The following MC2R variants were observed in gnomAD, a reference collection of about 807,000 sequenced individuals.
The protein encoded by MC2R is melanocortin 2 receptor.
A neutral mutation model predicts 9.8 loss-of-function variants in MC2R; 9 were observed. The ratio of observed to expected loss-of-function variants is 0.92; its 90% CI spans 0.55 to 1.60. The LOEUF is 1.60. MC2R is among the 40% of genes most tolerant of loss of function. The pLI, the probability that MC2R is intolerant of heterozygous loss-of-function variation, is 0.00. For missense variants in MC2R, 370 were observed against 389.0 expected, an observed-to-expected ratio of 0.95 and a Z score of 0.41; for synonymous variants, 185 against 154.7, an observed-to-expected ratio of 1.20 and a Z score of -1.45.
chr18:13,910,021 A>C (rs560362363), intron 1 of MC2R, among the ~76,000 whole-genome samples: 1 of 152,170 alleles, frequency 6.6e-6, no homozygotes, highest in Non-Finnish European at 1.5e-5. Context: ...ATTTTCTTCT[A>C]TGTTTTCTTT....
intron 1 of MC2R, among the ~76,000 whole-genome samples, chr18:13,906,689 A>G (rs2045416637): frequency 6.6e-6 from 1 of 152,266 alleles, no homozygotes; most frequent in Non-Finnish European, 1.5e-5. Context: ...GTAAAGTTGC[A>G]GAATACAAAA....
At chr18:13,898,141 C>T (rs1186700587) in intron 1 of MC2R, among the ~76,000 whole-genome samples, 3 of 152,076 alleles carry the variant, frequency 2.0e-5, no homozygotes, top group African/African-American at 7.2e-5. Flanking sequence ...AGAGGTGAGC[C>T]CACTGCCCTG....
chr18:13,901,126 A>T (rs937978580), intron 1 of MC2R, among the ~76,000 whole-genome samples: 2 of 152,218 alleles, frequency 1.3e-5, no homozygotes, highest in Non-Finnish European at 2.9e-5. Context: ...CATTGAAATT[A>T]AACAATATGC....
chr18:13,898,473 G>A (rs1289373662), intron 1 of MC2R, among the ~76,000 whole-genome samples: 1 of 152,232 alleles, frequency 6.6e-6, no homozygotes, highest in Non-Finnish European at 1.5e-5. Context: ...GAAAGACACA[G>A]GCCTGGCTGG....
intron 1 of MC2R, among the ~76,000 whole-genome samples, chr18:13,894,517 T>A (rs1368574014): frequency 2.6e-5 from 4 of 152,204 alleles, no homozygotes; most frequent in Non-Finnish European, 5.9e-5. Flanking sequence ...CTGGATTCTA[T>A]GCGATAACGT....
Position 13,885,360 on chromosome 18 carries a change from C to T in MC2R, c.159G>A (p.Lys53=). ...AAAAGTACATGGGTGCCTGGAGATT[C>T]TTATTCTTGAACACAGCCAGCAGGA... The part of the protein sequence containing the change: ...LIVLLAVFKN[K]NLQAPMYFFI... Residue 53 remains lysine, a synonymous_variant, in exon 2 of 2, where the codon AAG becomes AAA. Transcript: ENST00000327606. 1 of 1,614,178 alleles carries T rather than the reference C, an allele frequency of 6.2e-7. No homozygotes were observed. The highest frequency in any genetic ancestry group is 8.5e-7 in the Non-Finnish European group (1 of 1,180,038).
intron 1 of MC2R, among the ~76,000 whole-genome samples, chr18:13,886,522 G>C (rs1386215615): frequency 1.3e-5 from 2 of 152,198 alleles, no homozygotes; most frequent in Non-Finnish European, 2.9e-5. Flanking sequence ...CGGTGGACTC[G>C]GGAGATGTTT....
rs376198067 is a variant in MC2R, at chr18:13,887,796, G to A, written c.-128-2150C>T. ...AGTGTGAGCTCCTCTTAGGTCTCAC[G>A]TCTGCTGGCTTTCAGACCAGAACAC... On this transcript the variant is annotated intron_variant, in intron 1 of 1. Coordinates refer to ENST00000327606, the MANE Select transcript of MC2R (RefSeq NM_000529.2). Among the ~76,000 whole-genome samples the A allele has an allele frequency of 3.9e-5, 6 of 152,112 alleles. No homozygotes were observed. In the East Asian group the frequency reaches 7.7e-4, roughly 20 times the overall value.
chr18:13,906,677 C>T (rs908604619), intron 1 of MC2R, among the ~76,000 whole-genome samples: 1 of 152,172 alleles, frequency 6.6e-6, no homozygotes, highest in Non-Finnish European at 1.5e-5. Flanking sequence ...CAAACAAATT[C>T]AGTAAAGTTG....
At position 13,885,292 on chromosome 18, in the gene MC2R, T is replaced by C; in HGVS notation, c.227A>G (p.Tyr76Cys). 1 of 1,614,194 alleles carries C rather than the reference T, an allele frequency of 6.2e-7. No individual in the cohort carries two copies. The highest frequency in any genetic ancestry group is 8.5e-7 in the Non-Finnish European group (1 of 1,180,042). Residue 76 changes from tyrosine to cysteine, a missense_variant, in exon 2 of 2, where the codon TAT (tyrosine) becomes TGT (cysteine). By Grantham distance (194) the Tyr-to-Cys change is radical. Transcript: ENST00000327606. Reference protein sequence around the residue: ...LAISDMLGSLYKILENILIIL... With the variant: ...LAISDMLGSLCKILENILIIL... ...GATCAGGATATTTTCCAAGATCTTA[T>C]ATAGGCTGCCCAGCATATCAGATAT... is the stretch of plus-strand genomic sequence containing the variant.
intron 1 of MC2R, among the ~76,000 whole-genome samples, chr18:13,889,600 A>T (rs1333787860): frequency 6.6e-6 from 1 of 152,156 alleles, no homozygotes; most frequent in East Asian, 1.9e-4. Context: ...TGTGGCCCCA[A>T]ATGTGGCTCA....
chr18:13,903,033 A>T (rs2045389616), intron 1 of MC2R, among the ~76,000 whole-genome samples: 1 of 152,210 alleles, frequency 6.6e-6, no homozygotes, highest in African/African-American at 2.4e-5. Context: ...TGGGCAGAAG[A>T]TTTGAATAGA....
intron 1 of MC2R, among the ~76,000 whole-genome samples, chr18:13,887,373 G>C (rs148933961): frequency 2.5e-5 from 2 of 80,616 alleles, no homozygotes; most frequent in Admixed American, 2.5e-4. Context: ...GGGAAGCCTC[G>C]GGGATGGCAG....
At chr18:13,909,896 A>C (rs1368268825) in intron 1 of MC2R, among the ~76,000 whole-genome samples, 1 of 152,222 alleles carries the variant, frequency 6.6e-6, no homozygotes, top group Non-Finnish European at 1.5e-5. Flanking sequence ...TGCTCAATGT[A>C]CTTGTTGCTA....
rs190259613 is a variant in MC2R, at chr18:13,888,392, G to A, written c.-128-2746C>T. 2.8e-3 allele frequency among the ~76,000 whole-genome samples: 433 copies of A among 152,308 alleles called. 3 individuals are homozygous for A. The highest frequency in any genetic ancestry group is 9.3e-3 in the South Asian group (45 of 4,830). ...TTCTTGGTTGAAGGGCCAGTGACAC[G>A]AATTGGTGGCCTTTATGAGTGCTCA... On this transcript the variant is annotated intron_variant, in intron 1 of 1. Transcript: ENST00000327606.
At position 13,885,034 on chromosome 18, in the gene MC2R, C is replaced by T. The variant is rs1289581584; in HGVS notation, c.485G>A (p.Gly162Asp). 6.2e-7 allele frequency: 1 copy of T among 1,614,118 alleles called. No individual in the cohort carries two copies. The highest frequency in any genetic ancestry group is 1.1e-5 in the South Asian group (1 of 91,074). ...ATGGGAGAAGATCACCATGGTGATG[C>T]CAGTCCCCGTGCAGAACGTCCAGAT... is the stretch of plus-strand genomic sequence containing the variant. ...TVIWTFCTGT[G>D]ITMVIFSHHV... Residue 162 changes from glycine to aspartate, a missense_variant, in exon 2 of 2, where the codon GGC (glycine) becomes GAC (aspartate). Physicochemically the swap from Gly to Asp is moderately conservative, Grantham distance 94. Coordinates refer to ENST00000327606, the MANE Select transcript of MC2R (RefSeq NM_000529.2).
intron 1 of MC2R, among the ~76,000 whole-genome samples, chr18:13,893,732 G>GT (rs1394756993): frequency 6.8e-6 from 1 of 147,042 alleles, no homozygotes; most frequent in Non-Finnish European, 1.5e-5. Flanking sequence ...TTTTGAAGTT[G>GT]TAGACAGCAC....
intron 1 of MC2R, among the ~76,000 whole-genome samples, chr18:13,902,777 C>G (rs912796951): frequency 3.3e-5 from 5 of 152,102 alleles, no homozygotes; most frequent in Admixed American, 6.5e-5. Flanking sequence ...GGACATTGGT[C>G]TGGGCAAAAA....
intron 1 of MC2R, among the ~76,000 whole-genome samples, chr18:13,897,285 C>T (rs139313472): frequency 1.9e-3 from 287 of 152,290 alleles, no homozygotes; most frequent in African/African-American, 6.6e-3. Flanking sequence ...AGACTACACT[C>T]GGCTGACACC....
Sources: allele counts gnomAD v4.1 joint callset (sites outside exome capture counted in the v4.1 genomes callset), GRCh38; gene constraint gnomAD v4.1.1; transcripts MANE v1.5; gene names NCBI Gene and HGNC (gene_info 2026-07-23, HGNC 2026-07-21).